Variants in RFC4 observed in about 807,000 individuals in gnomAD.
The protein encoded by RFC4 is A1 37 kDa subunit.
RFC4 carries 38 observed loss-of-function variants against 47.6 expected under a neutral mutation model. The observed-to-expected ratio is 0.80, with a 90% CI of 0.62 to 1.05. RFC4 has a LOEUF of 1.05. RFC4 is among the 50% of genes least tolerant of loss of function. The pLI is 0.00. For missense variants in RFC4, 489 were observed against 434.0 expected, an observed-to-expected ratio of 1.13 and a Z score of -1.13; for synonymous variants, 164 against 150.0, an observed-to-expected ratio of 1.09 and a Z score of -0.68.
At chr3:186,790,645 C>G (rs935555919) in intron 8 of RFC4, among the ~76,000 whole-genome samples, 2 of 152,190 alleles carry the variant, frequency 1.3e-5, no homozygotes, top group African/African-American at 4.8e-5. Flanking sequence ...CAAGTTTGGG[C>G]ACACATGGAT....
At chr3:186,795,467 G>A (rs1722224617) in intron 4 of RFC4, among the ~76,000 whole-genome samples, 1 of 151,754 alleles carries the variant, frequency 6.6e-6, no homozygotes, top group Non-Finnish European at 1.5e-5. Context: ...TTTAAATACT[G>A]TAATTTTAAA....
chr3:186,790,659 A>G (rs1003298941), intron 8 of RFC4, among the ~76,000 whole-genome samples: 4 of 152,224 alleles, frequency 2.6e-5, no homozygotes, highest in African/African-American at 9.7e-5. Context: ...CATGGATTAT[A>G]GCTTGTTCTG....
In RFC4 at chr3:186,793,059, G is replaced by C; in HGVS notation, c.411-112C>G. 1 of 873,824 alleles carries C rather than the reference G, an allele frequency of 1.1e-6. No homozygotes were observed. The highest frequency in any genetic ancestry group is 2.8e-5 in the East Asian group (1 of 35,716). 54.1% of individuals were successfully genotyped at this position (873,824 alleles called of 1,614,324 possible). Reference sequence around the variant, plus strand: ...TCACCCATTTAAAATGTACAATTCAGTGTTTTTCTGTATGTTCACAAAGTT... The same window carrying C: ...TCACCCATTTAAAATGTACAATTCACTGTTTTTCTGTATGTTCACAAAGTT... On this transcript the variant is annotated intron_variant, in intron 5 of 10. Coordinates refer to ENST00000296273, the MANE Select transcript of RFC4 (RefSeq NM_002916.5). This position sits in a 1 kb window ranked among gnomAD's most constrained non-coding sequence, Gnocchi z 4.2.
Position 186,793,336 on chromosome 3 carries a change from G to A in RFC4, c.411-389C>T, listed in dbSNP as rs577880012. On this transcript the variant is annotated intron_variant, in intron 5 of 10. Transcript: ENST00000296273. This position sits in a 1 kb window ranked among gnomAD's most constrained non-coding sequence, Gnocchi z 4.2. ...CATCCATATTGTAGCATGTGTTTGC[G>A]TCATTCCTTTGTATTGTCAAATACT... Among the ~76,000 whole-genome samples, 6 of 152,202 alleles carry A rather than the reference G, an allele frequency of 3.9e-5. No homozygotes were observed. The highest frequency in any genetic ancestry group is 4.1e-4 in the South Asian group (2 of 4,820).
At chr3:186,795,876 A>G (rs1399186048) in intron 4 of RFC4, among the ~76,000 whole-genome samples, 3 of 152,238 alleles carry the variant, frequency 2.0e-5, no homozygotes, top group African/African-American at 7.2e-5. Context: ...AGGAAAATTA[A>G]TGGATTAAAA....
At position 186,796,496 on chromosome 3, in the gene RFC4, T is replaced by C. The variant is rs1473258811; in HGVS notation, c.290+1039A>G. Among the ~76,000 whole-genome samples the C allele has an allele frequency of 2.0e-5, 3 of 152,238 alleles. No individual in the cohort carries two copies. The highest frequency in any genetic ancestry group is 7.2e-5 in the African/African-American group (3 of 41,464). ...TGATTTCAGTGGCGTCTTTTTTTTTTTGAGACGGAGTCTCGCTCTGTCACC... is the reference window on the plus strand; with the variant it reads ...TGATTTCAGTGGCGTCTTTTTTTTTCTGAGACGGAGTCTCGCTCTGTCACC... On this transcript the variant is annotated intron_variant, in intron 4 of 10. Transcript: ENST00000296273. The surrounding 1 kb of genome is among the most constrained non-coding windows in gnomAD (Gnocchi z 4.2).
rs770976844 is a variant in RFC4, at chr3:186,792,928, A to C, written c.430T>G (p.Phe144Val). The change falls in exon 6 of 11, where the codon TTT becomes GTT. Residue 144 changes from phenylalanine to valine, a missense_variant. By Grantham distance (50) the Phe-to-Val change is conservative. This residue lies in a region of RFC4 where 206 missense variants were observed against 257.8 expected (regional missense o/e 0.80). Transcript: ENST00000296273. ...SRSDGKPCPP[F>V]KIVILDEADS... The stretch of plus-strand genomic sequence containing the variant: ...GCTTCATCCAGAATCACAATCTTAA[A>C]AGGCGGACACGGCTTCCCACTGATT... The C allele has an allele frequency of 3.2e-5, 51 of 1,613,696 alleles. No homozygotes were observed. The highest frequency in any genetic ancestry group is 4.1e-5 in the Non-Finnish European group (48 of 1,179,902).
chr3:186,799,547 T>C (rs753716851), intron 3 of RFC4, among the ~76,000 whole-genome samples: 1 of 152,084 alleles, frequency 6.6e-6, no homozygotes, highest in Non-Finnish European at 1.5e-5. Flanking sequence ...ACACCATCTC[T>C]ACTAAAAATA....
In RFC4 at chr3:186,791,857, A is replaced by G. The variant is rs772701499; in HGVS notation, c.676-7T>C. The G allele has an allele frequency of 6.2e-7, 1 of 1,609,150 alleles. No homozygotes were observed. The highest frequency in any genetic ancestry group is 1.1e-5 in the South Asian group (1 of 90,742). The stretch of plus-strand genomic sequence containing the variant: ...TAACAAGATAAGCTATTCCCTGAAG[A>G]GAAAAGAGTTGTTTTTAACCTATGA... On this transcript the variant is annotated splice_region_variant and splice_polypyrimidine_tract_variant and intron_variant, in intron 7 of 10. Transcript: ENST00000296273.
At position 186,802,799 on chromosome 3, in the gene RFC4, A is replaced by G. The variant is rs141538597; in HGVS notation, c.132-1604T>C. On this transcript the variant is annotated intron_variant, in intron 2 of 10. Transcript: ENST00000296273. The stretch of plus-strand genomic sequence containing the variant: ...ATAAAGCAGGGACTCATATTCAAAT[A>G]CCTGCAGAGATTAAGCAGATAACAA... 4.1e-4 allele frequency among the ~76,000 whole-genome samples: 63 copies of G among 152,224 alleles called. 1 individual carries two copies. The East Asian group carries it at 0.011, about 27-fold the overall frequency.
At chr3:186,791,592 C>A (rs540070499) in intron 8 of RFC4, 133 bp downstream of exon 8, 6 of 806,382 alleles carry the variant, frequency 7.4e-6, no homozygotes, top group Non-Finnish European at 1.3e-5. Context: ...TCTGATACTC[C>A]CAGGTTATTC....
Position 186,792,491 on chromosome 3 carries a change from T to G in RFC4, c.674A>C (p.Glu225Ala), listed in dbSNP as rs1260907345. 6.2e-7 allele frequency: 1 copy of G among 1,609,870 alleles called. No homozygotes were observed. Among genetic ancestry groups the G allele is most frequent in the Non-Finnish European group, 8.5e-7 (1 of 1,176,342 alleles). Reference protein sequence around the residue: ...AKKENVKISDEGIAYLVKVSE... With the variant: ...AKKENVKISDAGIAYLVKVSE... ...ATAATTGTAATAATTAGTAATTACC[T>G]CATCACTAATTTTGACATTTTCCTT... The change falls in exon 7 of 11, where the codon GAG (glutamate) becomes GCG (alanine). Residue 225 changes from glutamate to alanine, a missense_variant and splice_region_variant. Around this residue, in one of 2 missense-constraint regions of RFC4, gnomAD observed 283 missense variants for 176.2 expected, o/e 1.61. Coordinates refer to ENST00000296273, the MANE Select transcript of RFC4 (RefSeq NM_002916.5).
rs1404883341 is a variant in RFC4 at position 186,789,930 on chromosome 3, T to TTCA, written c.*36_*38dup. 1 of 1,267,648 alleles carries TTCA rather than the reference T, an allele frequency of 7.9e-7. No individual in the cohort carries two copies. Among genetic ancestry groups the TTCA allele is most frequent in the African/African-American group, 1.5e-5 (1 of 67,512 alleles). 78.5% of individuals were successfully genotyped at this position (1,267,648 alleles called of 1,614,324 possible). A position where few individuals can be genotyped will look rare whatever the true frequency, so the allele number is the denominator to read the frequency against. ...TTGGTCATTTTATTTTTATTACAAC[T>TTCA]TCATTATTTACAAAACCCCCCATCC... On this transcript the variant is annotated 3_prime_UTR_variant, in exon 11 of 11. Coordinates refer to ENST00000296273, the MANE Select transcript of RFC4 (RefSeq NM_002916.5).
chr3:186,790,489 G>A, intron 8 of RFC4, 83 bp from the exon 9 acceptor site: 1 of 939,742 alleles, frequency 1.1e-6, no homozygotes, highest in Non-Finnish European at 1.8e-6. Flanking sequence ...CGTGCCCCCA[G>A]TCATTTCTGT....
At chr3:186,791,487 AAAAC>A (rs912382686) in intron 8 of RFC4, 4 of 472,496 alleles carry the variant, frequency 8.5e-6, no homozygotes, top group Non-Finnish European at 1.5e-5. Flanking sequence ...AAAAAACAAA[AAAAC>A]TAACAACTGA....
chr3:186,791,484 AAAAAAACT>A (rs1722133952), intron 8 of RFC4: 1 of 460,366 alleles, frequency 2.2e-6, no homozygotes, highest in Non-Finnish European at 3.9e-6. Flanking sequence ...AAAAAAAAAC[AAAAAAACT>A]AACAACTGAA....
At position 186,789,910 on chromosome 3, in the gene RFC4, C is replaced by T; in HGVS notation, c.*59G>A. ...TATTCACTTTAAAGGTGCTTTTGGT[C>T]ATTTTATTTTTATTACAACTTCATT... On this transcript the variant is annotated 3_prime_UTR_variant, in exon 11 of 11. Coordinates refer to ENST00000296273, the MANE Select transcript of RFC4 (RefSeq NM_002916.5). 9.1e-7 allele frequency: 1 copy of T among 1,096,396 alleles called. No individual in the cohort carries two copies. Among genetic ancestry groups the T allele is most frequent in the South Asian group, 1.4e-5 (1 of 73,328 alleles). The allele number at this position is 1,096,396 out of a possible 1,614,324, so 67.9% of individuals were successfully genotyped here. A position where few individuals can be genotyped will look rare whatever the true frequency, so the allele number is the denominator to read the frequency against.
chr3:186,797,723 G>T, intron 3 of RFC4, 109 bp from the exon 4 acceptor site: 1 of 658,108 alleles, frequency 1.5e-6, no homozygotes, highest in Non-Finnish European at 2.6e-6. Context: ...CTCTAATAGG[G>T]CACGTAATTT....
At position 186,790,507 on chromosome 3, in the gene RFC4, C is replaced by T. The variant is rs369087172; in HGVS notation, c.802-101G>A. ...GCCCCCAGTCATTTCTGTTCCACAC[C>T]TAAGTTCCATACTTTCCTGGGAAGG... On this transcript the variant is annotated intron_variant, in intron 8 of 10. Transcript: ENST00000296273. 38 of 825,780 alleles carry T rather than the reference C, an allele frequency of 4.6e-5. 1 individual carries two copies. Among genetic ancestry groups the T allele is most frequent in the Admixed American group, 1.7e-4 (9 of 53,554 alleles). 51.2% of individuals were successfully genotyped at this position (825,780 alleles called of 1,614,324 possible). A position where few individuals can be genotyped will look rare whatever the true frequency, so the allele number is the denominator to read the frequency against.
Sources: allele counts gnomAD v4.1 joint callset (sites outside exome capture counted in the v4.1 genomes callset), GRCh38; gene constraint gnomAD v4.1.1; regional missense constraint gnomAD v4.1.1; non-coding constraint Gnocchi (gnomAD v3.1); transcripts MANE v1.5; gene names NCBI Gene and HGNC (gene_info 2026-07-23, HGNC 2026-07-21).